Variants in CTNNA2 observed in about 807,000 individuals in gnomAD.
CTNNA2 encodes catenin alpha 2.
CTNNA2 carries 42 observed loss-of-function variants against 101.0 expected under a neutral mutation model. That is an observed-to-expected ratio of 0.42 (90% CI 0.32 to 0.54). The LOEUF is 0.54. Ranked by LOEUF, CTNNA2 falls within the 20% of genes least tolerant of loss-of-function variation. CTNNA2 has a pLI of 0.14. For missense variants in CTNNA2, 871 were observed against 1,223.1 expected (o/e 0.71, Z 4.29); for synonymous variants, 450 against 456.4 (o/e 0.99, Z 0.18).
rs772154036 is a variant in CTNNA2, at chr2:79,930,952, C to T, written c.1056+21155C>T. ...CTTGCTTTCTGGCAGAGCAATTGGA[C>T]TTGGAATTTGCCTCTTTATTCAACC... On this transcript the variant is annotated intron_variant, in intron 7 of 18. Coordinates refer to ENST00000402739, the MANE Select transcript of CTNNA2 (RefSeq NM_001282597.3). 2.0e-5 allele frequency among the ~76,000 whole-genome samples: 3 copies of T among 152,246 alleles called. No homozygotes were observed. The South Asian group carries it at 6.2e-4, about 32-fold the overall frequency.
intron 7 of CTNNA2, among the ~76,000 whole-genome samples, chr2:80,239,805 G>T (rs1186258118): frequency 6.6e-6 from 1 of 151,846 alleles, no homozygotes; most frequent in Non-Finnish European, 1.5e-5. Context: ...CCAGCTACTC[G>T]GGAGGCTGAG....
Position 79,531,195 on chromosome 2 carries a change from CATATATATATATATATAT to C in CTNNA2, c.-6+18012_-6+18029del, listed in dbSNP as rs34087238. Reference sequence around the variant, plus strand: ...TTATTTATTAGTAAATAGATACGCTCATATATATATATATATATATATATATATATATATATATATAGC... The same window carrying C: ...TTATTTATTAGTAAATAGATACGCTCATATATATATATATATATATATAGC... On this transcript the variant is annotated intron_variant, in intron 1 of 18. Transcript: ENST00000402739. Among the ~76,000 whole-genome samples the C allele has an allele frequency of 9.8e-3, 1,076 of 110,292 alleles. 9 individuals carry two copies. Among genetic ancestry groups the C allele is most frequent in the African/African-American group, 0.032 (1,008 of 31,342 alleles). The allele number at this position is 110,292 out of a possible 152,430, so 72.4% of individuals were successfully genotyped here. A position where few individuals can be genotyped will look rare whatever the true frequency, so the allele number is the denominator to read the frequency against.
chr2:79,348,818 C>T (rs759736896), intron 3 of CTNNA2, among the ~76,000 whole-genome samples: 1 of 152,180 alleles, frequency 6.6e-6, no homozygotes. Context: ...ACAATCTCTA[C>T]ACCACTTGGT....
intron 7 of CTNNA2, among the ~76,000 whole-genome samples, chr2:79,941,569 G>C (rs1688165379): frequency 6.6e-6 from 1 of 152,196 alleles, no homozygotes; most frequent in African/African-American, 2.4e-5. Context: ...GTGAGTGCTG[G>C]ATGATATCAG....
chr2:79,209,196 T>A (rs954728925), intron 2 of CTNNA2, among the ~76,000 whole-genome samples: 5 of 152,308 alleles, frequency 3.3e-5, no homozygotes, highest in Admixed American at 2.6e-4. Context: ...TAAATTTTTT[T>A]AAAAGCATAC....
At chr2:79,903,838 T>C (rs10865447) in intron 6 of CTNNA2, among the ~76,000 whole-genome samples, 44,638 of 152,012 alleles carry the variant, frequency 0.29, 7,100 homozygotes, top group African/African-American at 0.41. Flanking sequence ...CGCCTGTGCT[T>C]AGTGATTGAC....
chr2:80,594,742 A>T (rs1469798761), intron 15 of CTNNA2, among the ~76,000 whole-genome samples: 1 of 152,054 alleles, frequency 6.6e-6, no homozygotes, highest in African/African-American at 2.4e-5. Context: ...TACCAGCACC[A>T]TTTATTGAAA....
At chr2:80,606,867 G>A (rs2149781961) in intron 16 of CTNNA2, among the ~76,000 whole-genome samples, 1 of 151,954 alleles carries the variant, frequency 6.6e-6, no homozygotes, top group Admixed American at 6.6e-5. Context: ...TGTATCAAAA[G>A]CCTTGTCAGC....
chr2:80,315,891 A>C (rs1678071760), intron 7 of CTNNA2, among the ~76,000 whole-genome samples: 1 of 152,212 alleles, frequency 6.6e-6, no homozygotes, highest in African/African-American at 2.4e-5. Flanking sequence ...GAGGACCAGC[A>C]GTGCAGGTAT....
chr2:79,500,848 G>C (rs563431658), intron 4 of CTNNA2: 1 of 152,158 alleles, frequency 6.6e-6, no homozygotes, highest in Non-Finnish European at 1.5e-5. Context: ...GGCCTTCTTC[G>C]TCATGGTTTC....
At chr2:80,433,373 G>C (rs992454561) in intron 9 of CTNNA2, among the ~76,000 whole-genome samples, 4 of 152,072 alleles carry the variant, frequency 2.6e-5, no homozygotes, top group Non-Finnish European at 1.5e-5. Flanking sequence ...TACCCCTCCA[G>C]GTAAGGTTCA....
chr2:80,356,910 G>A (rs2149308752), intron 7 of CTNNA2, among the ~76,000 whole-genome samples: 1 of 152,340 alleles, frequency 6.6e-6, no homozygotes, highest in African/African-American at 2.4e-5. Context: ...CCAGGCAAGT[G>A]CTATGGATCT....
At chr2:79,346,127 T>C (rs1474979717) in intron 3 of CTNNA2, among the ~76,000 whole-genome samples, 1 of 152,166 alleles carries the variant, frequency 6.6e-6, no homozygotes, top group Non-Finnish European at 1.5e-5. Context: ...AAAGTGACAG[T>C]AGACTGTCTA....
intron 7 of CTNNA2, among the ~76,000 whole-genome samples, chr2:80,194,849 GTA>G (rs1706736038): frequency 6.6e-6 from 1 of 151,490 alleles, no homozygotes; most frequent in Admixed American, 6.6e-5. Context: ...GTGTGTGTGT[GTA>G]TGTGTGTATA....
intron 7 of CTNNA2, among the ~76,000 whole-genome samples, chr2:80,186,490 G>A (rs1706136357): frequency 6.6e-6 from 1 of 152,216 alleles, no homozygotes; most frequent in Non-Finnish European, 1.5e-5. Flanking sequence ...TGGGTGTTTG[G>A]TGGATTGAGT....
intron 3 of CTNNA2, among the ~76,000 whole-genome samples, chr2:79,771,554 A>G (rs1419221098): frequency 2.0e-5 from 3 of 152,242 alleles, no homozygotes; most frequent in Non-Finnish European, 4.4e-5. Context: ...GATGGGAGAC[A>G]GTGACAGATC....
chr2:79,846,881 C>G (rs557528518), intron 3 of CTNNA2, among the ~76,000 whole-genome samples: 2 of 152,146 alleles, frequency 1.3e-5, no homozygotes, highest in African/African-American at 2.4e-5. Flanking sequence ...TTATAACAAG[C>G]TAGAAACCAG....
At chr2:80,585,185 A>T (rs1365311101) in intron 14 of CTNNA2, among the ~76,000 whole-genome samples, 1 of 152,162 alleles carries the variant, frequency 6.6e-6, no homozygotes, top group Non-Finnish European at 1.5e-5. Flanking sequence ...TTCTCTGGAA[A>T]TTGGAAGATA....
At chr2:80,379,211 G>A (rs1676276485) in intron 7 of CTNNA2, among the ~76,000 whole-genome samples, 1 of 152,032 alleles carries the variant, frequency 6.6e-6, no homozygotes, top group African/African-American at 2.4e-5. Context: ...TTTTACTTTT[G>A]TAAACTTGCA....
Sources: allele counts gnomAD v4.1 joint callset (sites outside exome capture counted in the v4.1 genomes callset), GRCh38; gene constraint gnomAD v4.1.1; transcripts MANE v1.5; gene names NCBI Gene and HGNC (gene_info 2026-07-23, HGNC 2026-07-21).